The following CADM2 variants were observed in gnomAD, a reference collection of about 807,000 sequenced individuals.
The protein encoded by CADM2 is cell adhesion molecule 2, also known as immunoglobulin superfamily member 4D.
A neutral mutation model predicts 49.8 loss-of-function variants in CADM2; 12 were observed. The observed-to-expected ratio is 0.24, with a 90% CI of 0.15 to 0.39. The LOEUF (loss-of-function observed/expected upper bound fraction) is 0.39. Ranked by LOEUF, CADM2 falls within the 10% of genes least tolerant of loss-of-function variation. CADM2 has a pLI of 1.00. For synonymous variants in CADM2, 214 were observed against 175.4 expected (o/e 1.22, Z -1.74); for missense variants, 378 against 492.3 (o/e 0.77, Z 2.20).
intron 2 of CADM2, among the ~76,000 whole-genome samples, chr3:85,764,925 T>C (rs2069583084): frequency 6.6e-6 from 1 of 152,006 alleles, no homozygotes; most frequent in Admixed American, 6.6e-5. Flanking sequence ...GTGAAGTTAG[T>C]AATGGGTATA....
At chr3:85,088,922 A>C (rs527395831) in intron 1 of CADM2, among the ~76,000 whole-genome samples, 4 of 152,190 alleles carry the variant, frequency 2.6e-5, no homozygotes, top group South Asian at 4.1e-4. Flanking sequence ...TTTTAATCCC[A>C]GAGTCATCAT....
intron 6 of CADM2, among the ~76,000 whole-genome samples, chr3:85,929,995 C>T (rs2059904337): frequency 6.6e-6 from 1 of 151,918 alleles, no homozygotes; most frequent in Non-Finnish European, 1.5e-5. Flanking sequence ...AAGATAATAA[C>T]CTCATTACTG....
chr3:85,986,605 C>T (rs573944311), intron 8 of CADM2, among the ~76,000 whole-genome samples: 39 of 152,024 alleles, frequency 2.6e-4, no homozygotes, highest in African/African-American at 9.4e-4. Context: ...GAGAAACCTG[C>T]TTATCTACAA....
chr3:85,036,122 A>T (rs2035200509), intron 1 of CADM2, among the ~76,000 whole-genome samples: 1 of 152,158 alleles, frequency 6.6e-6, no homozygotes, highest in South Asian at 2.1e-4. Context: ...GTTGTCATAC[A>T]TTATTTCTTA....
At chr3:85,653,022 C>G (rs1002794819) in intron 1 of CADM2, among the ~76,000 whole-genome samples, 1 of 151,648 alleles carries the variant, frequency 6.6e-6, no homozygotes, top group Non-Finnish European at 1.5e-5. Context: ...ATCCACCTGC[C>G]TCTGCCTCCC....
intron 1 of CADM2, among the ~76,000 whole-genome samples, chr3:85,394,188 A>G (rs1175999154): frequency 6.6e-6 from 1 of 152,208 alleles, no homozygotes; most frequent in Non-Finnish European, 1.5e-5. Flanking sequence ...AATTTGAATT[A>G]TCTCGGTTAT....
At chr3:85,015,661 G>A (rs1186123347) in intron 1 of CADM2, among the ~76,000 whole-genome samples, 1 of 152,110 alleles carries the variant, frequency 6.6e-6, no homozygotes, top group Admixed American at 6.5e-5. Flanking sequence ...ATTTGACTGA[G>A]GTAAGATAAT....
intron 8 of CADM2, among the ~76,000 whole-genome samples, chr3:86,024,877 T>A (rs1012160875): frequency 4.6e-5 from 7 of 151,288 alleles, no homozygotes; most frequent in African/African-American, 9.7e-5. Context: ...TTATTATTAT[T>A]ATAATATATA....
chr3:85,006,313 G>A (rs1022908384), intron 1 of CADM2, among the ~76,000 whole-genome samples: 1 of 152,226 alleles, frequency 6.6e-6, no homozygotes, highest in Non-Finnish European at 1.5e-5. Flanking sequence ...AAGTAGATTG[G>A]CTGTTTGAGC....
intron 1 of CADM2, among the ~76,000 whole-genome samples, chr3:85,203,435 AAC>A (rs1229817862): frequency 2.0e-5 from 3 of 152,180 alleles, no homozygotes; most frequent in Non-Finnish European, 4.4e-5. Context: ...GGAGCATCAG[AAC>A]ACACACAGCA....
At chr3:85,583,586 A>G (rs1446193208) in intron 1 of CADM2, among the ~76,000 whole-genome samples, 1 of 152,142 alleles carries the variant, frequency 6.6e-6, no homozygotes, top group Non-Finnish European at 1.5e-5. Context: ...TAAACTTTTA[A>G]AAGTTCAATA....
chr3:85,318,422 G>T (rs575777591), intron 1 of CADM2, among the ~76,000 whole-genome samples: 5 of 152,128 alleles, frequency 3.3e-5, no homozygotes, highest in African/African-American at 1.2e-4. Flanking sequence ...TAAGTTTGAA[G>T]AGGCACACTT....
chr3:85,347,619 A>C (rs1185708440), intron 1 of CADM2, among the ~76,000 whole-genome samples: 1 of 101,502 alleles, frequency 9.9e-6, no homozygotes, highest in Non-Finnish European at 2.3e-5. Context: ...AAATATATAT[A>C]CATATATATA....
intron 1 of CADM2, among the ~76,000 whole-genome samples, chr3:85,604,711 C>T (rs749421548): frequency 3.3e-5 from 5 of 151,782 alleles, no homozygotes; most frequent in African/African-American, 4.8e-5. Flanking sequence ...TAATTTCTGC[C>T]GAGATTCTAC....
chr3:85,218,902 T>C (rs910684730), intron 1 of CADM2, among the ~76,000 whole-genome samples: 1 of 152,168 alleles, frequency 6.6e-6, no homozygotes, highest in Non-Finnish European at 1.5e-5. Context: ...CTAGTTACCC[T>C]AGCTGACTGC....
intron 1 of CADM2, among the ~76,000 whole-genome samples, chr3:85,223,537 G>C (rs928508658): frequency 6.6e-6 from 1 of 152,268 alleles, no homozygotes; most frequent in East Asian, 1.9e-4. Flanking sequence ...AATGGGGATA[G>C]TAATGTAAAC....
At chr3:85,914,400 G>A (rs1278431873) in intron 6 of CADM2, among the ~76,000 whole-genome samples, 3 of 152,072 alleles carry the variant, frequency 2.0e-5, no homozygotes, top group Admixed American at 6.6e-5. Flanking sequence ...CTGAATAAAT[G>A]TCAATTGTCT....
At chr3:85,062,198 A>G (rs749653676) in intron 1 of CADM2, among the ~76,000 whole-genome samples, 11 of 152,108 alleles carry the variant, frequency 7.2e-5, no homozygotes, top group Non-Finnish European at 1.2e-4. Context: ...ATAAATTTCT[A>G]ATTTTTTCAA....
In CADM2 at chr3:85,753,070, A is replaced by G. The variant is rs1048080544; in HGVS notation, c.88+26522A>G. Among the ~76,000 whole-genome samples the G allele has an allele frequency of 2.0e-5, 3 of 152,122 alleles. No homozygotes were observed. The South Asian group carries it at 6.2e-4, about 32-fold the overall frequency. On this transcript the variant is annotated intron_variant, in intron 2 of 9. Coordinates refer to ENST00000383699, the MANE Select transcript of CADM2 (RefSeq NM_001167675.2). The stretch of plus-strand genomic sequence containing the variant: ...GCAGATCTGCTTTCTATGATTGATG[A>G]TATCGTTTTTCCTTTTAACATGACA...
Sources: gnomAD v4.1 joint callset for allele counts (sites outside exome capture counted in the v4.1 genomes callset) on GRCh38, gnomAD v4.1.1 for gene constraint, MANE v1.5 for transcripts, NCBI Gene and HGNC (gene_info 2026-07-23, HGNC 2026-07-21) for gene names.